SCUBE1: variants seen among roughly 807,000 people sequenced by gnomAD.
The protein encoded by SCUBE1 is signal peptide, CUB and EGF-like domain-containing protein 1.
In SCUBE1, 59 loss-of-function variants were observed where a neutral mutation model predicts 124.4. The observed-to-expected ratio is 0.47, with a 90% CI of 0.38 to 0.59. SCUBE1 has a LOEUF of 0.59. Among genes scored for constraint, SCUBE1 ranks in the 20% least tolerant of loss-of-function variants. The pLI, the probability that SCUBE1 is intolerant of heterozygous loss-of-function variation, is 0.00. For missense variants in SCUBE1, 1,150 were observed against 1,371.2 expected (o/e 0.84, Z 2.55); for synonymous variants, 545 against 550.9 (o/e 0.99, Z 0.15).
At chr22:43,302,091 G>A (rs1204289750) in intron 3 of SCUBE1, among the ~76,000 whole-genome samples, 2 of 152,244 alleles carry the variant, frequency 1.3e-5, no homozygotes, top group African/African-American at 4.8e-5. Context: ...GGAGATGCCA[G>A]AGAAGGCTCT....
intron 20 of SCUBE1, 84 bp from the exon 21 acceptor site, chr22:43,207,697 C>T (rs1921349272): frequency 6.6e-6 from 7 of 1,066,216 alleles, no homozygotes; most frequent in Non-Finnish European, 1.0e-5. Context: ...CTCTGCCCTC[C>T]CTCCTGTGCT....
rs534938575 is a variant in SCUBE1, at chr22:43,211,456, G to A, written c.2222-373C>T. Among the ~76,000 whole-genome samples, 161 of 152,248 alleles carry A rather than the reference G, an allele frequency of 1.1e-3. No individual in the cohort carries two copies. In the Middle Eastern group the frequency reaches 0.045, roughly 42 times the overall value. ...AACCCTCTTTCTACAAGGTTGCTGG[G>A]GCAGGAGAGACAGGCGGCCGGAGTC... On this transcript the variant is annotated intron_variant, in intron 17 of 21. Coordinates refer to ENST00000360835, the MANE Select transcript of SCUBE1 (RefSeq NM_173050.5). This position sits in a 1 kb window ranked among gnomAD's most constrained non-coding sequence, Gnocchi z 4.5.
rs1423443503 is a variant in SCUBE1, at chr22:43,197,729, TGA to T, written c.*6266_*6267del. 1 of 152,286 alleles carries T rather than the reference TGA, an allele frequency of 6.6e-6. No individual in the cohort carries two copies. The highest frequency in any genetic ancestry group is 1.5e-5 in the Non-Finnish European group (1 of 68,092). The allele number at this position is 152,286 out of a possible 1,614,324, so 9.4% of individuals were successfully genotyped here. Reference sequence around the variant, plus strand: ...AGTGGGGACACTCGGCAAGGGCACTTGAGCCTCTGGCTGTGTCTGCTCACGTC... The same window carrying T: ...AGTGGGGACACTCGGCAAGGGCACTTGCCTCTGGCTGTGTCTGCTCACGTC... On this transcript the variant is annotated 3_prime_UTR_variant, in exon 22 of 22. Transcript: ENST00000360835.
intron 3 of SCUBE1, among the ~76,000 whole-genome samples, chr22:43,313,530 G>A (rs1926241557): frequency 6.6e-6 from 1 of 152,200 alleles, no homozygotes; most frequent in Non-Finnish European, 1.5e-5. Context: ...ATATTGCTCT[G>A]CTGTCCAATT....
chr22:43,264,848 C>A (rs1023591710), intron 4 of SCUBE1, among the ~76,000 whole-genome samples: 6 of 152,372 alleles, frequency 3.9e-5, no homozygotes, highest in Middle Eastern at 3.4e-3. Flanking sequence ...CCTAGGCCTG[C>A]CTCAAACTCC....
chr22:43,314,415 G>A (rs1261601135), intron 3 of SCUBE1, among the ~76,000 whole-genome samples: 2 of 152,152 alleles, frequency 1.3e-5, no homozygotes, highest in African/African-American at 4.8e-5. Context: ...GTGAGCGAGA[G>A]TGCTGTTGCC....
Position 43,343,242 on chromosome 22 carries a change from C to A in SCUBE1, c.20G>T (p.Arg7Leu). The A allele has an allele frequency of 3.4e-6, 4 of 1,191,804 alleles. No homozygotes were observed. Among genetic ancestry groups the A allele is most frequent in the South Asian group, 2.7e-5 (1 of 37,074 alleles). The allele number at this position is 1,191,804 out of a possible 1,614,324, so 73.8% of individuals were successfully genotyped here. A position where few individuals can be genotyped will look rare whatever the true frequency, so the allele number is the denominator to read the frequency against. MGAAAV[R>L]WHLCVLLALG... The stretch of plus-strand genomic sequence containing the variant: ...GGCCAGCAGCACGCACAAGTGCCAG[C>A]GCACGGCCGCCGCGCCCATGCTCAA... The change falls in exon 1 of 22, where the codon CGC becomes CTC. Residue 7 changes from arginine (R) to leucine (L), a missense_variant. Transcript: ENST00000360835.
chr22:43,330,399 TC>T (rs1220643210), intron 2 of SCUBE1, among the ~76,000 whole-genome samples: 1 of 152,142 alleles, frequency 6.6e-6, no homozygotes, highest in Admixed American at 6.5e-5. Context: ...CTGAATTTCT[TC>T]CCCTCCTCAG....
At chr22:43,307,406 G>A (rs1212235330) in intron 3 of SCUBE1, among the ~76,000 whole-genome samples, 4 of 152,240 alleles carry the variant, frequency 2.6e-5, no homozygotes, top group African/African-American at 7.2e-5. Context: ...TGGTTATGGA[G>A]AGGAAAAGTG....
At chr22:43,323,922 A>C (rs1009686524) in intron 2 of SCUBE1, among the ~76,000 whole-genome samples, 1 of 152,238 alleles carries the variant, frequency 6.6e-6, no homozygotes, top group African/African-American at 2.4e-5. Flanking sequence ...AACACATTTG[A>C]TAACTGTAGC....
chr22:43,296,267 C>T (rs981586806), intron 3 of SCUBE1, among the ~76,000 whole-genome samples: 58 of 152,356 alleles, frequency 3.8e-4, no homozygotes, highest in African/African-American at 1.3e-3. Context: ...CAGCCTGACA[C>T]GCAGAGTGTC....
chr22:43,234,704 G>A lies in SCUBE1; in HGVS notation c.845-2829C>T, dbSNP rs1342890709. Reference sequence around the variant, plus strand: ...CTCCTTCCTGGGTTCCCACCCCACCGCCCCACACCAGGCAGCCAGCACCAC... The same window carrying A: ...CTCCTTCCTGGGTTCCCACCCCACCACCCCACACCAGGCAGCCAGCACCAC... On this transcript the variant is annotated intron_variant, in intron 7 of 21. Coordinates refer to ENST00000360835, the MANE Select transcript of SCUBE1 (RefSeq NM_173050.5). The surrounding 1 kb of genome is among the most constrained non-coding windows in gnomAD (Gnocchi z 4.4). Among the ~76,000 whole-genome samples the A allele has an allele frequency of 1.3e-5, 2 of 152,064 alleles. No individual in the cohort carries two copies. Among genetic ancestry groups the A allele is most frequent in the South Asian group, 2.1e-4 (1 of 4,802 alleles).
At chr22:43,326,168 G>A (rs1368971008) in intron 2 of SCUBE1, among the ~76,000 whole-genome samples, 1 of 152,052 alleles carries the variant, frequency 6.6e-6, no homozygotes, top group Non-Finnish European at 1.5e-5. Context: ...GATCATTACT[G>A]AAAATGTCTT....
chr22:43,290,745 T>G (rs1925326498), intron 4 of SCUBE1, among the ~76,000 whole-genome samples: 1 of 152,192 alleles, frequency 6.6e-6, no homozygotes, highest in East Asian at 1.9e-4. Context: ...GCCCCACTCT[T>G]CCTGGCCACA....
intron 3 of SCUBE1, among the ~76,000 whole-genome samples, chr22:43,309,672 G>A (rs11704418): frequency 0.39 from 58,390 of 148,562 alleles, 12,178 homozygotes; most frequent in Non-Finnish European, 0.48. Context: ...GAACTCAGAC[G>A]AACAGACACC....
At chr22:43,337,500 T>A (rs1927122288) in intron 2 of SCUBE1, among the ~76,000 whole-genome samples, 1 of 152,144 alleles carries the variant, frequency 6.6e-6, no homozygotes. Context: ...CGAGCTAACC[T>A]CTGGCCCTGC....
At chr22:43,226,638 TG>T (rs1555992899) in intron 10 of SCUBE1, among the ~76,000 whole-genome samples, 1 of 24,224 alleles carries the variant, frequency 4.1e-5, no homozygotes, top group African/African-American at 1.6e-4. Flanking sequence ...AGGGTGGGGG[TG>T]GGGGCGGGGT....
intron 6 of SCUBE1, among the ~76,000 whole-genome samples, chr22:43,254,708 A>G (rs1973109691): frequency 6.6e-6 from 1 of 152,170 alleles, no homozygotes; most frequent in South Asian, 2.1e-4. Context: ...TGACAACCCT[A>G]GGCGACCACA....
chr22:43,286,420 C>G (rs1038142136), intron 4 of SCUBE1, among the ~76,000 whole-genome samples: 1 of 152,246 alleles, frequency 6.6e-6, no homozygotes, highest in Admixed American at 6.5e-5. Flanking sequence ...GGCCAGCCCA[C>G]AGGCGGCGTC....
Sources: gnomAD v4.1 joint callset for allele counts (sites outside exome capture counted in the v4.1 genomes callset) on GRCh38, gnomAD v4.1.1 for gene constraint, Gnocchi (gnomAD v3.1) non-coding constraint, MANE v1.5 for transcripts, NCBI Gene and HGNC (gene_info 2026-07-23, HGNC 2026-07-21) for gene names.